EXT1: variants seen among roughly 807,000 people sequenced by gnomAD.
EXT1 encodes the protein exostosin glycosyltransferase 1.
Under a neutral mutation model 82.5 loss-of-function variants are expected in EXT1, and 20 were observed. That is an observed-to-expected ratio of 0.24 (90% CI 0.17 to 0.35). The LOEUF (loss-of-function observed/expected upper bound fraction) is 0.35, where lower values mean the gene tolerates loss of function less well. Among genes scored for constraint, EXT1 ranks in the 10% least tolerant of loss-of-function variants. EXT1 has a pLI of 1.00. For synonymous variants in EXT1, 348 were observed against 350.8 expected (o/e 0.99, Z 0.09); for missense variants, 757 against 936.5 (o/e 0.81, Z 2.50).
chr8:118,076,072 G>A (rs915159845), intron 1 of EXT1, among the ~76,000 whole-genome samples: 10 of 152,156 alleles, frequency 6.6e-5, no homozygotes, highest in African/African-American at 2.4e-4. Flanking sequence ...ATAATTCAGG[G>A]GAGAGGGAAG....
At chr8:118,079,282 G>A (rs1817266656) in intron 1 of EXT1, among the ~76,000 whole-genome samples, 1 of 152,182 alleles carries the variant, frequency 6.6e-6, no homozygotes, top group African/African-American at 2.4e-5. Context: ...GAGCAAATGG[G>A]AAGATACTAA....
intron 1 of EXT1, among the ~76,000 whole-genome samples, chr8:117,968,553 ATTTTTTTTTTTT>A (rs1182180428): frequency 3.2e-4 from 3 of 9,308 alleles, no homozygotes; most frequent in South Asian, 4.4e-3. Flanking sequence ...TTATTTATTT[ATTTTTTTTTTTT>A]TTTTTTTTTT....
intron 1 of EXT1, among the ~76,000 whole-genome samples, chr8:117,915,378 T>G (rs1305647702): frequency 6.6e-6 from 1 of 151,520 alleles, no homozygotes; most frequent in Non-Finnish European, 1.5e-5. Flanking sequence ...TATACCTGAA[T>G]AGGCATTCAT....
chr8:118,009,878 G>A (rs1815858658), intron 1 of EXT1, among the ~76,000 whole-genome samples: 1 of 152,134 alleles, frequency 6.6e-6, no homozygotes, highest in Non-Finnish European at 1.5e-5. Context: ...AAAAGGTTGG[G>A]AACCGCTAGT....
intron 1 of EXT1, among the ~76,000 whole-genome samples, chr8:117,973,867 AAAGGAAAGGAAAGGAAAGG>A (rs1441724577): frequency 0.016 from 2,232 of 141,148 alleles, 127 homozygotes; most frequent in Middle Eastern, 0.042. Flanking sequence ...AAAGGAAAGG[AAAGGAAAGGAAAGGAAAGG>A]AAGGAAAGGA....
intron 1 of EXT1, among the ~76,000 whole-genome samples, chr8:117,939,979 G>A (rs1465045126): frequency 6.6e-6 from 1 of 152,230 alleles, no homozygotes; most frequent in Non-Finnish European, 1.5e-5. Flanking sequence ...TCTAGTTCTA[G>A]ACCAAACTAG....
intron 1 of EXT1, among the ~76,000 whole-genome samples, chr8:117,876,646 G>A (rs1812977275): frequency 6.6e-6 from 1 of 152,114 alleles, no homozygotes; most frequent in Non-Finnish European, 1.5e-5. Flanking sequence ...GGGAGATGTG[G>A]GGCATGGCAT....
At chr8:117,995,386 T>C in intron 1 of EXT1, among the ~76,000 whole-genome samples, 1 of 152,228 alleles carries the variant, frequency 6.6e-6, no homozygotes, top group Non-Finnish European at 1.5e-5. Flanking sequence ...GATAGGCAAC[T>C]TGTCTGTAAT....
chr8:117,982,142 G>T (rs1379818478), intron 1 of EXT1, among the ~76,000 whole-genome samples: 1 of 152,190 alleles, frequency 6.6e-6, no homozygotes, highest in Non-Finnish European at 1.5e-5. Context: ...TGCTTTCTCT[G>T]CTCAGTGTCT....
intron 1 of EXT1, among the ~76,000 whole-genome samples, chr8:118,017,071 C>T (rs1327275483): frequency 6.6e-6 from 1 of 152,192 alleles, no homozygotes; most frequent in Non-Finnish European, 1.5e-5. Context: ...GCATCTTGTT[C>T]TCCCAGACGG....
intron 1 of EXT1, among the ~76,000 whole-genome samples, chr8:117,939,413 T>C (rs1488285224): frequency 1.3e-5 from 2 of 151,390 alleles, no homozygotes; most frequent in African/African-American, 4.9e-5. Flanking sequence ...CTACCAAAAA[T>C]ACAAAATTAG....
chr8:118,075,588 T>A (rs931370249), intron 1 of EXT1, among the ~76,000 whole-genome samples: 3 of 152,204 alleles, frequency 2.0e-5, no homozygotes, highest in Non-Finnish European at 4.4e-5. Context: ...AGTTTATATA[T>A]GGTATGTTAG....
intron 5 of EXT1, 130 bp downstream of exon 5, chr8:117,822,335 G>T (rs756038509): frequency 1.5e-4 from 156 of 1,037,746 alleles, no homozygotes; most frequent in Admixed American, 5.8e-4. Flanking sequence ...TTATAACAAG[G>T]CTCTAGAAAA....
At chr8:118,085,479 G>GTTTTTTT (rs58866328) in intron 1 of EXT1, among the ~76,000 whole-genome samples, 1 of 126,744 alleles carries the variant, frequency 7.9e-6, no homozygotes. Flanking sequence ...GGCTGTTTTT[G>GTTTTTTT]TTTTTTTTTT....
chr8:118,037,009 A>C (rs2129892242), intron 1 of EXT1, among the ~76,000 whole-genome samples: 1 of 152,328 alleles, frequency 6.6e-6, no homozygotes, highest in Middle Eastern at 3.4e-3. Context: ...AAATCTTAGA[A>C]ACTGGATTTT....
intron 1 of EXT1, among the ~76,000 whole-genome samples, chr8:118,061,194 G>A (rs1279012197): frequency 6.6e-6 from 1 of 152,148 alleles, no homozygotes; most frequent in Non-Finnish European, 1.5e-5. Context: ...CAAAACACGT[G>A]GCTCAGTGGC....
chr8:117,845,511 C>T (rs1244745744), intron 1 of EXT1, among the ~76,000 whole-genome samples: 1 of 151,678 alleles, frequency 6.6e-6, no homozygotes, highest in Admixed American at 6.6e-5. Flanking sequence ...CATCTGAATT[C>T]CTGCTCATTA....
intron 1 of EXT1, among the ~76,000 whole-genome samples, chr8:118,002,528 C>CTTTTTTTT (rs60354141): frequency 1.0e-4 from 9 of 87,092 alleles, no homozygotes; most frequent in African/African-American, 3.3e-4. Flanking sequence ...GAATATTTTT[C>CTTTTTTTT]TTTTTTTTTT....
rs560927726 is a variant in EXT1 at position 118,059,866 on chromosome 8, TG to T, written c.962+50218del. ...GGATAATACAGAGAAAAGACCTCAA[TG>T]CATAGCCTCTGCGTATACTAGTGAT... is the stretch of plus-strand genomic sequence containing the variant. On this transcript the variant is annotated intron_variant, in intron 1 of 10. Coordinates refer to ENST00000378204, the MANE Select transcript of EXT1 (RefSeq NM_000127.3). Among the ~76,000 whole-genome samples, 324 of 152,336 alleles carry T rather than the reference TG, an allele frequency of 2.1e-3. 3 individuals carry two copies. The highest frequency in any genetic ancestry group is 7.6e-3 in the African/African-American group (315 of 41,586).
Sources: allele counts gnomAD v4.1 joint callset (sites outside exome capture counted in the v4.1 genomes callset), GRCh38; gene constraint gnomAD v4.1.1; transcripts MANE v1.5; gene names NCBI Gene and HGNC (gene_info 2026-07-23, HGNC 2026-07-21).